GLDC: variants seen among roughly 807,000 people sequenced by gnomAD.
GLDC encodes glycine decarboxylase.
Under a neutral mutation model 121.3 loss-of-function variants are expected in GLDC, and 104 were observed. That is an observed-to-expected ratio of 0.86 (90% CI 0.73 to 1.01). GLDC has a LOEUF of 1.01. Among genes scored for constraint, GLDC ranks in the 50% least tolerant of loss-of-function variants. The pLI, the probability that GLDC is intolerant of heterozygous loss-of-function variation, is 0.00. For missense variants in GLDC, 1,429 were observed against 1,306.6 expected (o/e 1.09, Z -1.44); for synonymous variants, 546 against 480.6 (o/e 1.14, Z -1.78).
intron 24 of GLDC, among the ~76,000 whole-genome samples, chr9:6,533,466 C>T (rs946814549): frequency 6.6e-6 from 1 of 152,134 alleles, no homozygotes; most frequent in African/African-American, 2.4e-5. Context: ...TTTATCTGCC[C>T]ATTATATCCT....
Position 6,565,291 on chromosome 9 carries a change from G to C in GLDC, c.1926+63C>G, listed in dbSNP as rs1005888596. On this transcript the variant is annotated intron_variant, in intron 16 of 24. Transcript: ENST00000321612. ...CTTGGAGGGAGTGTCCCACAGAAGG[G>C]ACCCTGAGAGCCAGGACCTCTGTGC... is the stretch of plus-strand genomic sequence containing the variant. The C allele has an allele frequency of 8.8e-6, 10 of 1,134,900 alleles. No individual in the cohort carries two copies. In the South Asian group the frequency reaches 9.8e-5, roughly 11 times the overall value. 70.3% of individuals were successfully genotyped at this position (1,134,900 alleles called of 1,614,324 possible).
In GLDC at chr9:6,645,235, A is replaced by C; in HGVS notation, c.255+10T>G. The C allele has an allele frequency of 6.3e-7, 1 of 1,582,646 alleles. No individual in the cohort carries two copies. The highest frequency in any genetic ancestry group is 8.6e-7 in the Non-Finnish European group (1 of 1,164,480). ...GGGGAGGCCGCGGAGGGCCGGGTGG[A>C]GGTCCTTACCGCCAGCCCCAAGGTC... On this transcript the variant is annotated intron_variant, in intron 1 of 24. Transcript: ENST00000321612.
At chr9:6,610,748 T>C (rs928035623) in intron 3 of GLDC, among the ~76,000 whole-genome samples, 1 of 152,132 alleles carries the variant, frequency 6.6e-6, no homozygotes, top group Non-Finnish European at 1.5e-5. Context: ...AACAAGCACA[T>C]GCCATCACGC....
chr9:6,587,360 G>T (rs566280208), intron 14 of GLDC, 77 bp from the exon 15 acceptor site: 2 of 1,121,892 alleles, frequency 1.8e-6, no homozygotes, highest in Non-Finnish European at 2.7e-6. Flanking sequence ...TAATAATGAC[G>T]ATGATGAGAA....
intron 16 of GLDC, among the ~76,000 whole-genome samples, chr9:6,564,330 G>A (rs747157956): frequency 6.6e-6 from 1 of 152,112 alleles, no homozygotes; most frequent in Non-Finnish European, 1.5e-5. Context: ...AACTATGCAA[G>A]GGAAGGAGGG....
chr9:6,566,680 G>C (rs954448905), intron 15 of GLDC, among the ~76,000 whole-genome samples: 7 of 152,242 alleles, frequency 4.6e-5, no homozygotes, highest in African/African-American at 1.7e-4. Flanking sequence ...GTGCAGGAAG[G>C]GAAGGGAAAT....
Position 6,604,789 on chromosome 9 carries a change from AAAGG to A in GLDC, c.862-9_862-6del, listed in dbSNP as rs2129896706. On this transcript the variant is annotated splice_polypyrimidine_tract_variant and splice_region_variant and intron_variant, in intron 6 of 24. Coordinates refer to ENST00000321612, the MANE Select transcript of GLDC (RefSeq NM_000170.3). ...AGTAGCACAGCAGGCCAGGCTCTAG[AAAGG>A]AAGTGAGAGAAAAGGAACAAGGTTG... is the stretch of plus-strand genomic sequence containing the variant. 1.2e-6 allele frequency: 2 copies of A among 1,612,560 alleles called. No homozygotes were observed. The highest frequency in any genetic ancestry group is 1.7e-6 in the Non-Finnish European group (2 of 1,178,554).
chr9:6,609,415 G>T (rs949056271), intron 4 of GLDC, among the ~76,000 whole-genome samples: 7 of 152,096 alleles, frequency 4.6e-5, no homozygotes, highest in African/African-American at 1.7e-4. Flanking sequence ...TACTCTATGG[G>T]CCTGAGAATC....
chr9:6,623,660 G>C (rs1290435170), intron 2 of GLDC, among the ~76,000 whole-genome samples: 1 of 152,136 alleles, frequency 6.6e-6, no homozygotes, highest in Non-Finnish European at 1.5e-5. Context: ...TGCCACAGTA[G>C]AGTAAGGAAA....
rs898569831 is a variant in GLDC at position 6,605,466 on chromosome 9, C to T, written c.714-188G>A. The T allele has an allele frequency of 4.6e-6, 3 of 652,282 alleles. No individual in the cohort carries two copies. In the Admixed American group the frequency reaches 6.3e-5, roughly 14 times the overall value. The allele number at this position is 652,282 out of a possible 1,614,324, so 40.4% of individuals were successfully genotyped here. ...ATCACAGCAACTCAAGCGCATCCAA[C>T]AGCTCTGCTTCTGTTCCTCTCTTCT... is the stretch of plus-strand genomic sequence containing the variant. On this transcript the variant is annotated intron_variant, in intron 5 of 24. Coordinates refer to ENST00000321612, the MANE Select transcript of GLDC (RefSeq NM_000170.3).
At chr9:6,559,770 G>A (rs998222717) in intron 16 of GLDC, among the ~76,000 whole-genome samples, 4 of 151,720 alleles carry the variant, frequency 2.6e-5, no homozygotes, top group Non-Finnish European at 5.9e-5. Context: ...AGCCGAGATC[G>A]CGCCATTGCA....
intron 15 of GLDC, chr9:6,565,689 C>G (rs1215552757): frequency 6.7e-6 from 4 of 596,532 alleles, no homozygotes; most frequent in Non-Finnish European, 8.9e-6. Flanking sequence ...TATCCTTGCT[C>G]AGGACCACGC....
Position 6,606,672 on chromosome 9 carries a change from G to C in GLDC, c.636-3C>G. ...GAAATTTCCTCCTCTTGTTGTGTCT[G>C]TTGAAAAGAAAAAGCACATTCCAAC... On this transcript the variant is annotated splice_polypyrimidine_tract_variant and splice_region_variant and intron_variant, in intron 4 of 24. Coordinates refer to ENST00000321612, the MANE Select transcript of GLDC (RefSeq NM_000170.3). 1 of 1,582,854 alleles carries C rather than the reference G, an allele frequency of 6.3e-7. No individual in the cohort carries two copies. Among genetic ancestry groups the C allele is most frequent in the Non-Finnish European group, 8.7e-7 (1 of 1,152,212 alleles).
At chr9:6,586,430 G>A (rs1327752292) in intron 15 of GLDC, among the ~76,000 whole-genome samples, 1 of 152,254 alleles carries the variant, frequency 6.6e-6, no homozygotes, top group Non-Finnish European at 1.5e-5. Flanking sequence ...GCTGGAGGCT[G>A]TTGCTTTTGA....
intron 4 of GLDC, 23 bp from the exon 5 acceptor site, chr9:6,606,692 T>G (rs750670156): frequency 1.4e-6 from 2 of 1,387,082 alleles, no homozygotes; most frequent in Non-Finnish European, 1.0e-6. Flanking sequence ...AAAAGCACAT[T>G]CCAACGTGAA....
At chr9:6,632,250 T>C (rs764591820) in intron 2 of GLDC, among the ~76,000 whole-genome samples, 2 of 152,248 alleles carry the variant, frequency 1.3e-5, no homozygotes, top group Non-Finnish European at 2.9e-5. Context: ...GATGAATCAA[T>C]GCATAAATTG....
At chr9:6,619,961 T>C (rs1042787001) in intron 3 of GLDC, among the ~76,000 whole-genome samples, 25 of 152,162 alleles carry the variant, frequency 1.6e-4, no homozygotes, top group Admixed American at 1.6e-3. Flanking sequence ...AGCATCCTAG[T>C]AGATTTTATG....
intron 3 of GLDC, among the ~76,000 whole-genome samples, chr9:6,613,884 C>T (rs1356622745): frequency 1.3e-5 from 2 of 152,060 alleles, no homozygotes; most frequent in Non-Finnish European, 2.9e-5. Flanking sequence ...TCAAGCCATT[C>T]TCCTGCCTCA....
At chr9:6,632,061 G>A (rs1260463) in intron 2 of GLDC, among the ~76,000 whole-genome samples, 89,334 of 151,924 alleles carry the variant, frequency 0.59, 27,678 homozygotes, top group African/African-American at 0.78. Context: ...GTGAGACCCT[G>A]CCTCAAAAAA....
Sources: allele counts gnomAD v4.1 joint callset (sites outside exome capture counted in the v4.1 genomes callset), GRCh38; gene constraint gnomAD v4.1.1; transcripts MANE v1.5; gene names NCBI Gene and HGNC (gene_info 2026-07-23, HGNC 2026-07-21).